Variants in CENPE observed in about 807,000 individuals in gnomAD.
CENPE encodes the protein centromere protein E, also known as centromere-associated protein E.
CENPE carries 145 observed loss-of-function variants against 336.1 expected under a neutral mutation model. That is an observed-to-expected ratio of 0.43 (90% CI 0.38 to 0.50). The LOEUF is 0.50. Among genes scored for constraint, CENPE ranks in the 20% least tolerant of loss-of-function variants. The pLI, the probability that CENPE is intolerant of heterozygous loss-of-function variation, is 0.00. For synonymous variants in CENPE, 1,013 were observed against 984.8 expected, an observed-to-expected ratio of 1.03 and a Z score of -0.54; for missense variants, 2,719 against 3,023.3, an observed-to-expected ratio of 0.90 and a Z score of 2.36.
chr4:103,186,396 G>A (rs150471975), intron 8 of CENPE, among the ~76,000 whole-genome samples: 79 of 152,306 alleles, frequency 5.2e-4, no homozygotes, highest in Middle Eastern at 3.4e-3. Flanking sequence ...ACTGCTCCTT[G>A]AACTGCATAA....
At chr4:103,153,345 G>A in intron 24 of CENPE, 95 bp from the exon 25 acceptor site, 1 of 740,864 alleles carries the variant, frequency 1.3e-6, no homozygotes, top group Non-Finnish European at 2.2e-6. Flanking sequence ...TATGTGCCAG[G>A]TACTATTCTC....
intron 43 of CENPE, among the ~76,000 whole-genome samples, chr4:103,122,268 G>A (rs759143462): frequency 1.3e-5 from 2 of 152,028 alleles, no homozygotes; most frequent in African/African-American, 2.4e-5. Context: ...ATTTACTATT[G>A]GGTTCCCTAC....
chr4:103,139,529 A>G (rs1752360282), intron 38 of CENPE, among the ~76,000 whole-genome samples: 2 of 152,138 alleles, frequency 1.3e-5, no homozygotes. Flanking sequence ...TGATTAAAAA[A>G]AACTTTAAAA....
chr4:103,159,161 T>A lies in CENPE; in HGVS notation c.2450A>T (p.Gln817Leu). 1.9e-6 allele frequency: 3 copies of A among 1,611,018 alleles called. No homozygotes were observed. The highest frequency in any genetic ancestry group is 2.2e-5 in the South Asian group (2 of 90,440). ...TTQSNYKSTD[Q>L]EFQNFKTLHM... ...AAGGGTTTTGAAATTTTGGAATTCT[T>A]GATCAGTGCTTTTATAATTCGACTG... Residue 817 changes from glutamine to leucine, a missense_variant, in exon 22 of 49, where the codon CAA becomes CTA. This residue lies in a region of CENPE where 2,437 missense variants were observed against 2,513.3 expected (regional missense o/e 0.97). Coordinates refer to ENST00000265148, the MANE Select transcript of CENPE (RefSeq NM_001813.3).
chr4:103,145,387 A>T, intron 31 of CENPE, 53 bp from the exon 32 acceptor site: 2 of 1,325,142 alleles, frequency 1.5e-6, no homozygotes, highest in Non-Finnish European at 2.1e-6. Flanking sequence ...GTAAACACAC[A>T]CACACACATA....
chr4:103,138,300 C>G (rs1342759805), intron 39 of CENPE, 51 bp downstream of exon 39: 1 of 1,266,314 alleles, frequency 7.9e-7, no homozygotes, highest in Non-Finnish European at 1.2e-6. Flanking sequence ...TTTCGGTAAG[C>G]CTTTGGAAGA....
chr4:103,109,701 T>C (rs1749219713), intron 47 of CENPE, among the ~76,000 whole-genome samples: 1 of 152,204 alleles, frequency 6.6e-6, no homozygotes. Context: ...TAGTCCATGC[T>C]AAAATTACTT....
chr4:103,120,439 G>A (rs1297261024), intron 43 of CENPE, 106 bp from the exon 44 acceptor site: 1 of 915,544 alleles, frequency 1.1e-6, no homozygotes, highest in Non-Finnish European at 1.6e-6. Context: ...ATTTTTCACA[G>A]ATTGTATTAA....
At chr4:103,141,440 C>T (rs1752553475) in intron 35 of CENPE, among the ~76,000 whole-genome samples, 1 of 152,278 alleles carries the variant, frequency 6.6e-6, no homozygotes, top group Middle Eastern at 3.4e-3. Context: ...GTTTTGCCTG[C>T]TTTTGAACCT....
At position 103,139,835 on chromosome 4, in the gene CENPE, A is replaced by G; in HGVS notation, c.6158T>C (p.Met2053Thr). The G allele has an allele frequency of 6.2e-7, 1 of 1,612,488 alleles. No homozygotes were observed. The highest frequency in any genetic ancestry group is 1.1e-5 in the South Asian group (1 of 90,818). The change falls in exon 38 of 49, where the codon ATG becomes ACG. Residue 2053 changes from methionine to threonine, a missense_variant. Physicochemically the swap from Met to Thr is moderately conservative, Grantham distance 81 (BLOSUM62 -1). Transcript: ENST00000265148. Reference sequence around the variant, plus strand: ...GGTTGCTATGAATTGGTCCCTTTCCATTTTGAGAGATTCTTTTATCCTCCT... The same window carrying G: ...GGTTGCTATGAATTGGTCCCTTTCCGTTTTGAGAGATTCTTTTATCCTCCT... ...ELRRIKESLK[M>T]ERDQFIATLR...
intron 20 of CENPE, 136 bp downstream of exon 20, chr4:103,160,950 C>T: frequency 1.1e-6 from 1 of 938,528 alleles, no homozygotes; most frequent in South Asian, 2.0e-5. Context: ...CCAAATGAAA[C>T]TAAAACGTAA....
At chr4:103,124,417 G>T (rs970810860) in intron 42 of CENPE, among the ~76,000 whole-genome samples, 2 of 152,158 alleles carry the variant, frequency 1.3e-5, no homozygotes. Context: ...TATTAGATTT[G>T]TACTAACATA....
At chr4:103,152,233 T>C (rs1440599698) in intron 25 of CENPE, among the ~76,000 whole-genome samples, 1 of 152,056 alleles carries the variant, frequency 6.6e-6, no homozygotes, top group African/African-American at 2.4e-5. Flanking sequence ...ACAGACAAAT[T>C]ACAGAAGAAG....
intron 4 of CENPE, among the ~76,000 whole-genome samples, chr4:103,195,523 A>G (rs539414537): frequency 2.3e-4 from 35 of 152,208 alleles, no homozygotes; most frequent in African/African-American, 7.5e-4. Context: ...TGCTAATTTG[A>G]AACCAACTAA....
At chr4:103,121,482 C>CT (rs1205278799) in intron 43 of CENPE, among the ~76,000 whole-genome samples, 1 of 150,910 alleles carries the variant, frequency 6.6e-6, no homozygotes, top group Non-Finnish European at 1.5e-5. Context: ...TCCAGCCTTA[C>CT]TTTTTTCCAG....
intron 16 of CENPE, among the ~76,000 whole-genome samples, chr4:103,169,566 T>C (rs903897137): frequency 2.6e-5 from 4 of 152,118 alleles, no homozygotes; most frequent in Non-Finnish European, 5.9e-5. Flanking sequence ...AGAAGGGAGT[T>C]CCATTATGGT....
At chr4:103,141,694 A>C in intron 35 of CENPE, 56 bp downstream of exon 35, 1 of 1,281,160 alleles carries the variant, frequency 7.8e-7, no homozygotes, top group Non-Finnish European at 1.1e-6. Context: ...TATCCCCAAC[A>C]ATTTTAGGCA....
chr4:103,174,521 A>G (rs888785059), intron 16 of CENPE, among the ~76,000 whole-genome samples: 29 of 152,046 alleles, frequency 1.9e-4, no homozygotes, highest in African/African-American at 1.2e-4. Flanking sequence ...CACAAAAACA[A>G]TAACTATGTG....
intron 44 of CENPE, among the ~76,000 whole-genome samples, chr4:103,118,471 C>T (rs1334235705): frequency 6.6e-6 from 1 of 152,120 alleles, no homozygotes; most frequent in Non-Finnish European, 1.5e-5. Context: ...CAGTTTCTGC[C>T]AGTCTGTGGC....
Sources: gnomAD v4.1 joint callset for allele counts (sites outside exome capture counted in the v4.1 genomes callset) on GRCh38, gnomAD v4.1.1 for gene constraint, gnomAD v4.1.1 regional missense constraint, MANE v1.5 for transcripts, NCBI Gene and HGNC (gene_info 2026-07-23, HGNC 2026-07-21) for gene names.